Variants in LRIG2 observed in about 807,000 individuals in gnomAD.
LRIG2 encodes leucine rich repeats and immunoglobulin like domains 2, also known as leucine-rich repeats and immunoglobulin-like domains protein 2.
LRIG2 carries 93 observed loss-of-function variants against 107.8 expected under a neutral mutation model. The ratio of observed to expected loss-of-function variants is 0.86; its 90% CI spans 0.73 to 1.03. The LOEUF (loss-of-function observed/expected upper bound fraction) is 1.03, where lower values mean the gene tolerates loss of function less well. Among genes scored for constraint, LRIG2 ranks in the 50% least tolerant of loss-of-function variants. The pLI is 0.00. For missense variants in LRIG2, 1,226 were observed against 1,296.0 expected (o/e 0.95, Z 0.83); for synonymous variants, 471 against 470.6 (o/e 1.00, Z -0.01).
rs1041192518 is a variant in LRIG2, at chr1:113,130,632, A to T, written c.*6531A>T. On this transcript the variant is annotated 3_prime_UTR_variant, in exon 18 of 18. Transcript: ENST00000361127. ...TTCTTCATTGAGATGGAATATGGGC[A>T]AGATGACCTTTAAGGTCTTTTTCAC... 2.6e-5 allele frequency: 4 copies of T among 152,208 alleles called. No homozygotes were observed. The highest frequency in any genetic ancestry group is 9.6e-5 in the African/African-American group (4 of 41,456). The allele number at this position is 152,208 out of a possible 1,614,324, so 9.4% of individuals were successfully genotyped here.
At position 113,115,454 on chromosome 1, in the gene LRIG2, G is replaced by A. The variant is rs190087236; in HGVS notation, c.2530+578G>A. ...TCAAACTCCTGGGCTCTAGCAATTTGTCCACCTTGGCCTCTCAAAGTGCTG... is the reference window on the plus strand; with the variant it reads ...TCAAACTCCTGGGCTCTAGCAATTTATCCACCTTGGCCTCTCAAAGTGCTG... On this transcript the variant is annotated intron_variant, in intron 15 of 17. Coordinates refer to ENST00000361127, the MANE Select transcript of LRIG2 (RefSeq NM_014813.3). Among the ~76,000 whole-genome samples the A allele has an allele frequency of 2.6e-5, 4 of 151,966 alleles. No homozygotes were observed. In the East Asian group the frequency reaches 5.8e-4, roughly 22 times the overall value.
intron 17 of LRIG2, among the ~76,000 whole-genome samples, chr1:113,123,438 G>A (rs975245775): frequency 2.0e-5 from 3 of 151,244 alleles, no homozygotes; most frequent in Non-Finnish European, 4.4e-5. Flanking sequence ...GCTGGGCATG[G>A]TGGCACATGC....
intron 11 of LRIG2, among the ~76,000 whole-genome samples, chr1:113,105,695 C>G (rs929100168): frequency 2.6e-5 from 4 of 152,196 alleles, no homozygotes; most frequent in Admixed American, 2.6e-4. Context: ...GGAGGATCCT[C>G]TGAGTCCAGG....
Position 113,094,889 on chromosome 1 carries a change from C to T in LRIG2, c.803+134C>T, listed in dbSNP as rs563360954. 27 of 778,946 alleles carry T rather than the reference C, an allele frequency of 3.5e-5. No homozygotes were observed. The South Asian group carries it at 4.1e-4, about 12-fold the overall frequency. 48.3% of individuals were successfully genotyped at this position (778,946 alleles called of 1,614,324 possible). A position where few individuals can be genotyped will look rare whatever the true frequency, so the allele number is the denominator to read the frequency against. On this transcript the variant is annotated intron_variant, in intron 6 of 17. Transcript: ENST00000361127. ...TCCCTGGTCACTGATGTGAAGTAAGCGTACATAAAACCTTTAAAGTTTTGT... is the reference window on the plus strand; with the variant it reads ...TCCCTGGTCACTGATGTGAAGTAAGTGTACATAAAACCTTTAAAGTTTTGT...
rs572667325 is a variant in LRIG2, at chr1:113,075,086, G to A, written c.239+1441G>A. On this transcript the variant is annotated intron_variant, in intron 1 of 17. Transcript: ENST00000361127. ...TGCAAAGTTAGCTGGGTGTGGTGGC[G>A]CGTGCCTGTAATACTAGCTACACCC... 2.7e-4 allele frequency among the ~76,000 whole-genome samples: 41 copies of A among 151,720 alleles called. 1 individual carries two copies. Among genetic ancestry groups the A allele is most frequent in the African/African-American group, 9.9e-4 (41 of 41,358 alleles).
At chr1:113,107,791 C>G in intron 12 of LRIG2, 34 bp downstream of exon 12, 1 of 1,553,186 alleles carries the variant, frequency 6.4e-7, no homozygotes, top group Non-Finnish European at 8.8e-7. Context: ...TTATATATTA[C>G]ACACTTATAA....
rs1652788189 is a variant in LRIG2 at position 113,073,377 on chromosome 1, T to C, written c.-30T>C. Reference sequence around the variant, plus strand: ...ATCCTCCTTTTCTAGCAGGCAGCTCTTCTAGGCCACGTCCAGGTCGAGGGG... The same window carrying C: ...ATCCTCCTTTTCTAGCAGGCAGCTCCTCTAGGCCACGTCCAGGTCGAGGGG... On this transcript the variant is annotated 5_prime_UTR_variant, in exon 1 of 18. Transcript: ENST00000361127. The C allele has an allele frequency of 6.3e-7, 1 of 1,586,500 alleles. No individual in the cohort carries two copies. The highest frequency in any genetic ancestry group is 8.6e-7 in the Non-Finnish European group (1 of 1,156,784).
At chr1:113,101,989 A>C (rs1654326852) in intron 11 of LRIG2, among the ~76,000 whole-genome samples, 1 of 152,206 alleles carries the variant, frequency 6.6e-6, no homozygotes. Context: ...ACTGAAGAAA[A>C]AAAAAACTAA....
At chr1:113,098,036 G>A (rs903423292) in intron 8 of LRIG2, among the ~76,000 whole-genome samples, 3 of 152,154 alleles carry the variant, frequency 2.0e-5, no homozygotes, top group Admixed American at 2.0e-4. Context: ...AAGCAAAAGC[G>A]ATTAAATATT....
At chr1:113,098,491 A>G (rs1654163697) in intron 8 of LRIG2, among the ~76,000 whole-genome samples, 1 of 152,154 alleles carries the variant, frequency 6.6e-6, no homozygotes, top group Non-Finnish European at 1.5e-5. Context: ...GTTAGCTTAT[A>G]AGAATCAGTT....
Position 113,073,221 on chromosome 1 carries a change from G to A in LRIG2, c.-186G>A. The A allele has an allele frequency of 1.7e-6, 1 of 599,792 alleles. No homozygotes were observed. The highest frequency in any genetic ancestry group is 3.0e-6 in the Non-Finnish European group (1 of 335,776). The allele number at this position is 599,792 out of a possible 1,614,324, so 37.2% of individuals were successfully genotyped here. On this transcript the variant is annotated 5_prime_UTR_variant, in exon 1 of 18. The change creates a new upstream start codon in the 5' untranslated region. Coordinates refer to ENST00000361127, the MANE Select transcript of LRIG2 (RefSeq NM_014813.3). ...GCGGACGAGAGGTGTCCGTCAGGCC[G>A]TGTGTCCCAGGCCGTCGACCCCGCT...
intron 4 of LRIG2, among the ~76,000 whole-genome samples, chr1:113,093,845 T>C (rs1216235826): frequency 1.3e-5 from 2 of 152,156 alleles, no homozygotes; most frequent in African/African-American, 4.8e-5. Flanking sequence ...TCCAAAAATA[T>C]TTGGTTATTT....
rs1181831075 is a variant in LRIG2, at chr1:113,111,729, TG to T, written c.1799-749del. 2.6e-5 allele frequency among the ~76,000 whole-genome samples: 4 copies of T among 152,326 alleles called. No individual in the cohort carries two copies. The East Asian group carries it at 7.7e-4, about 29-fold the overall frequency. ...ACAACCAAAAGATGTACTTATGTTTTGCTTCTGTGTTTTTTAATGATACTTT... is the reference window on the plus strand; with the variant it reads ...ACAACCAAAAGATGTACTTATGTTTTCTTCTGTGTTTTTTAATGATACTTT... On this transcript the variant is annotated intron_variant, in intron 13 of 17. Transcript: ENST00000361127.
chr1:113,122,302 G>A (rs112997127), intron 17 of LRIG2, among the ~76,000 whole-genome samples: 3 of 151,894 alleles, frequency 2.0e-5, no homozygotes, highest in South Asian at 4.2e-4. Flanking sequence ...GGCCAGGCTG[G>A]TCTCAAACTC....
At chr1:113,115,947 C>A (rs1273838311) in intron 15 of LRIG2, among the ~76,000 whole-genome samples, 2 of 151,986 alleles carry the variant, frequency 1.3e-5, no homozygotes, top group Admixed American at 1.3e-4. Context: ...CTCTTTTTTT[C>A]CCTTGAATAT....
chr1:113,108,239 T>C (rs1313008092), intron 12 of LRIG2, among the ~76,000 whole-genome samples: 1 of 151,684 alleles, frequency 6.6e-6, no homozygotes, highest in Non-Finnish European at 1.5e-5. Flanking sequence ...TTTTTTTTTT[T>C]TTCTAATGGA....
At chr1:113,107,785 A>G (rs374502831) in intron 12 of LRIG2, 28 bp downstream of exon 12, 70 of 1,572,606 alleles carry the variant, frequency 4.5e-5, no homozygotes, top group Non-Finnish European at 5.6e-5. Context: ...AAAATTTTAT[A>G]TATTACACAC....
chr1:113,073,767 A>G (rs1652824475), intron 1 of LRIG2, 122 bp downstream of exon 1: 3 of 878,060 alleles, frequency 3.4e-6, no homozygotes, highest in African/African-American at 3.3e-5. Flanking sequence ...TCTGAAGGAA[A>G]CTGCCGTCAG....
chr1:113,114,884 G>A lies in LRIG2; in HGVS notation c.2530+8G>A. 1 of 1,587,834 alleles carries A rather than the reference G, an allele frequency of 6.3e-7. No individual in the cohort carries two copies. The highest frequency in any genetic ancestry group is 1.3e-5 in the African/African-American group (1 of 74,670). ...ATAGTATCACAAACACAGGTAAGTA[G>A]TACCCACATGACACCTATGGCTTGT... On this transcript the variant is annotated splice_region_variant and intron_variant, in intron 15 of 17. Coordinates refer to ENST00000361127, the MANE Select transcript of LRIG2 (RefSeq NM_014813.3).
Sources: gnomAD v4.1 joint callset for allele counts (sites outside exome capture counted in the v4.1 genomes callset) on GRCh38, gnomAD v4.1.1 for gene constraint, MANE v1.5 for transcripts, NCBI Gene and HGNC (gene_info 2026-07-23, HGNC 2026-07-21) for gene names.